The following CHN1 variants were observed in gnomAD, a reference collection of about 807,000 sequenced individuals.
CHN1 encodes chimerin 1.
CHN1 carries 37 observed loss-of-function variants against 59.5 expected under a neutral mutation model. The observed-to-expected ratio is 0.62, with a 90% CI of 0.48 to 0.82. The LOEUF is 0.82. Among genes scored for constraint, CHN1 ranks in the 40% least tolerant of loss-of-function variants. The pLI, the probability that CHN1 is intolerant of heterozygous loss-of-function variation, is 0.00. For missense variants in CHN1, 469 were observed against 571.0 expected, an observed-to-expected ratio of 0.82 and a Z score of 1.82; for synonymous variants, 206 against 200.4, an observed-to-expected ratio of 1.03 and a Z score of -0.24.
intron 6 of CHN1, chr2:174,847,551 C>A: frequency 8.0e-7 from 1 of 1,255,518 alleles, no homozygotes; most frequent in Admixed American, 3.4e-5. Flanking sequence ...CTACATACTG[C>A]CTGCAATCAG....
At chr2:174,969,608 T>G (rs1690695091) in intron 1 of CHN1, among the ~76,000 whole-genome samples, 1 of 152,184 alleles carries the variant, frequency 6.6e-6, no homozygotes, top group East Asian at 1.9e-4. Context: ...TCTCTATAGT[T>G]TGCTCCGTCA....
At chr2:174,806,067 C>T (rs1292601865) in intron 11 of CHN1, among the ~76,000 whole-genome samples, 2 of 152,098 alleles carry the variant, frequency 1.3e-5, no homozygotes, top group Non-Finnish European at 2.9e-5. Flanking sequence ...TGTTGGGTTA[C>T]TGGAGGCTCT....
chr2:174,959,958 C>T (rs1166074263), intron 1 of CHN1, among the ~76,000 whole-genome samples: 2 of 152,108 alleles, frequency 1.3e-5, no homozygotes, highest in East Asian at 3.9e-4. Flanking sequence ...CAGGGCTGGT[C>T]TTAAATGCTG....
chr2:174,820,156 T>A (rs1276353030), intron 8 of CHN1, among the ~76,000 whole-genome samples: 2 of 152,184 alleles, frequency 1.3e-5, no homozygotes, highest in African/African-American at 4.8e-5. Flanking sequence ...TATAGCAGCA[T>A]GATTTATAAT....
chr2:174,828,015 A>T (rs1157725180), intron 7 of CHN1, among the ~76,000 whole-genome samples: 1 of 152,182 alleles, frequency 6.6e-6, no homozygotes, highest in Non-Finnish European at 1.5e-5. Flanking sequence ...CAGAGCAATT[A>T]GCTCTGAATA....
intron 1 of CHN1, among the ~76,000 whole-genome samples, chr2:175,004,515 C>A (rs1250039251): frequency 4.0e-5 from 6 of 148,988 alleles, no homozygotes; most frequent in Non-Finnish European, 7.6e-5. Flanking sequence ...CTCACAGATA[C>A]CTCGTTCAAA....
At chr2:174,846,548 A>G in intron 7 of CHN1, 1 of 1,208,530 alleles carries the variant, frequency 8.3e-7, no homozygotes, top group Non-Finnish European at 1.1e-6. Flanking sequence ...AATCTCCAAC[A>G]GAGGTATTCA....
At chr2:174,867,463 A>C (rs1188163641) in intron 6 of CHN1, among the ~76,000 whole-genome samples, 1 of 152,118 alleles carries the variant, frequency 6.6e-6, no homozygotes, top group Admixed American at 6.6e-5. Context: ...CCAATCACTA[A>C]ATAACAAAAT....
rs1213247035 is a variant in CHN1, at chr2:174,821,661, G to A, written c.712+2773C>T. On this transcript the variant is annotated intron_variant, in intron 8 of 12. Transcript: ENST00000409900. ...TGCCAAATCATGAGGACACTGCATT[G>A]TAGGCACCTCCCCTCTGGAGGACAT... is the stretch of plus-strand genomic sequence containing the variant. 5 of 417,814 alleles carry A rather than the reference G, an allele frequency of 1.2e-5. No homozygotes were observed. In the Admixed American group the frequency reaches 1.4e-4, roughly 11 times the overall value. The allele number at this position is 417,814 out of a possible 1,614,324, so 25.9% of individuals were successfully genotyped here.
chr2:174,945,147 A>G, intron 2 of CHN1: 1 of 543,158 alleles, frequency 1.8e-6, no homozygotes. Context: ...GAAAAATCAT[A>G]ATCCAAACAA....
At chr2:174,825,663 GTACAT>G (rs1471049563) in intron 7 of CHN1, among the ~76,000 whole-genome samples, 3 of 152,104 alleles carry the variant, frequency 2.0e-5, no homozygotes, top group African/African-American at 7.2e-5. Flanking sequence ...AATATTATCA[GTACAT>G]TACAATTGAT....
At chr2:174,843,335 G>C (rs1686381205) in intron 7 of CHN1, among the ~76,000 whole-genome samples, 1 of 152,092 alleles carries the variant, frequency 6.6e-6, no homozygotes, top group East Asian at 1.9e-4. Flanking sequence ...TGCCTCCTGG[G>C]TTCAAGCGAT....
chr2:174,805,082 G>C (rs1684845521), intron 11 of CHN1, among the ~76,000 whole-genome samples: 1 of 152,218 alleles, frequency 6.6e-6, no homozygotes, highest in South Asian at 2.1e-4. Context: ...ATTCAGAGAT[G>C]AATGACCATC....
At chr2:174,871,789 A>G (rs1226231529) in intron 6 of CHN1, among the ~76,000 whole-genome samples, 1 of 152,214 alleles carries the variant, frequency 6.6e-6, no homozygotes, top group Non-Finnish European at 1.5e-5. Context: ...ATGAAACATT[A>G]AAATGTAAGT....
At chr2:174,906,664 GA>G (rs3841915) in intron 5 of CHN1, among the ~76,000 whole-genome samples, 1 of 151,602 alleles carries the variant, frequency 6.6e-6, no homozygotes, top group Non-Finnish European at 1.5e-5. Context: ...AACAGAGTAA[GA>G]AAAAAAAGAT....
At chr2:174,862,949 G>C (rs558020674) in intron 6 of CHN1, among the ~76,000 whole-genome samples, 5 of 152,266 alleles carry the variant, frequency 3.3e-5, no homozygotes, top group Admixed American at 2.6e-4. Flanking sequence ...TCAGCCTTGG[G>C]TGTTTGGCAT....
chr2:174,825,057 C>T (rs377421348), intron 7 of CHN1, among the ~76,000 whole-genome samples: 22 of 152,278 alleles, frequency 1.4e-4, no homozygotes, highest in South Asian at 1.0e-3. Flanking sequence ...AACTTACTTT[C>T]GAAAACTATA....
At chr2:174,913,946 T>C (rs1045806496) in intron 5 of CHN1, among the ~76,000 whole-genome samples, 1 of 152,202 alleles carries the variant, frequency 6.6e-6, no homozygotes, top group Non-Finnish European at 1.5e-5. Flanking sequence ...AATGTATATA[T>C]GAATGAACAA....
chr2:174,991,493 G>A (rs1199562951), intron 1 of CHN1, among the ~76,000 whole-genome samples: 2 of 152,106 alleles, frequency 1.3e-5, no homozygotes, highest in African/African-American at 4.8e-5. Context: ...AGGATAAAGA[G>A]GTTTTTATAA....
Sources: allele counts gnomAD v4.1 joint callset (sites outside exome capture counted in the v4.1 genomes callset), GRCh38; gene constraint gnomAD v4.1.1; transcripts MANE v1.5; gene names NCBI Gene and HGNC (gene_info 2026-07-23, HGNC 2026-07-21).